Variants in TCHHL1 observed in about 807,000 individuals in gnomAD.
TCHHL1 encodes the protein trichohyalin like 1.
In TCHHL1, 1 loss-of-function variant was observed where a neutral mutation model predicts 3.5. The observed-to-expected ratio is 0.29, with a 90% CI of 0.10 to 1.36. The LOEUF (loss-of-function observed/expected upper bound fraction) is 1.36, where lower values mean the gene tolerates loss of function less well. Among genes scored for constraint, TCHHL1 ranks in the 40% most tolerant of loss-of-function variants. The pLI is 0.43. For synonymous variants in TCHHL1, 405 were observed against 375.3 expected (o/e 1.08, Z -0.92); for missense variants, 1,027 against 1,032.8 (o/e 0.99, Z 0.08).
In TCHHL1 at chr1:152,085,500, T is replaced by A; in HGVS notation, c.2182A>T (p.Asn728Tyr). 1.2e-6 allele frequency: 2 copies of A among 1,614,196 alleles called. No individual in the cohort carries two copies. Among genetic ancestry groups the A allele is most frequent in the Non-Finnish European group, 1.7e-6 (2 of 1,180,034 alleles). The change falls in exon 3 of 3, where the codon AAT becomes TAT. Residue 728 changes from asparagine to tyrosine, a missense_variant. By Grantham distance (143) the Asn-to-Tyr change is moderately radical. Coordinates refer to ENST00000368806, the MANE Select transcript of TCHHL1 (RefSeq NM_001008536.2). ...AGTTGTATCTTGAGGGAGGCTGAAT[T>A]GTCCTCATCTAGACTTTCTAACAGA... ...NTLLESLDED[N>Y]SASLKIQLET...
chr1:152,086,390 C>A lies in TCHHL1; in HGVS notation c.1292G>T (p.Gly431Val). Residue 431 changes from glycine to valine, a missense_variant, in exon 3 of 3, where the codon GGA becomes GTA. Coordinates refer to ENST00000368806, the MANE Select transcript of TCHHL1 (RefSeq NM_001008536.2). ...TTCAGCATCTTTTGATTTTGATAAT[C>A]CTTGGAGTTCCTGATACTTCCCATC... ...TQDGKYQELQ[G>V]LSKSKDAEKG... 6.2e-7 allele frequency: 1 copy of A among 1,614,134 alleles called. No individual in the cohort carries two copies. Among genetic ancestry groups the A allele is most frequent in the Non-Finnish European group, 8.5e-7 (1 of 1,180,018 alleles).
chr1:152,086,791 ATCT>A lies in TCHHL1; in HGVS notation c.888_890del (p.Glu296del), dbSNP rs764689685. The A allele has an allele frequency of 2.5e-6, 4 of 1,614,112 alleles. No individual in the cohort carries two copies. Among genetic ancestry groups the A allele is most frequent in the Non-Finnish European group, 2.5e-6 (3 of 1,180,012 alleles). ...GGTCAGCATGCTGTGAACTGGGCTCATCTTCTCTTTGTAGGGGTGGTTCTTGTA... is the reference window on the plus strand; with the variant it reads ...GGTCAGCATGCTGTGAACTGGGCTCATCTCTTTGTAGGGGTGGTTCTTGTA... On this transcript the variant is annotated inframe_deletion, in exon 3 of 3. Transcript: ENST00000368806.
At position 152,086,029 on chromosome 1, in the gene TCHHL1, G is replaced by A. The variant is rs1401543874; in HGVS notation, c.1653C>T (p.Asn551=). 2 of 1,614,216 alleles carry A rather than the reference G, an allele frequency of 1.2e-6. No homozygotes were observed. The highest frequency in any genetic ancestry group is 2.2e-5 in the East Asian group (1 of 44,880). ...QSDEGSSETP[N]SLASEEGNSS... is the part of the protein sequence containing the mutation. ...TATTGCCTTCCTCTGAAGCCAGGCT[G>A]TTGGGAGTTTCAGAAGACCCCTCAT... Residue 551 remains asparagine (N), a synonymous_variant, in exon 3 of 3, where the codon AAC becomes AAT. Transcript: ENST00000368806.
intron 1 of TCHHL1, 67 bp from the exon 2 acceptor site, chr1:152,088,230 A>T (rs1572148077): frequency 4.9e-6 from 7 of 1,427,514 alleles, no homozygotes; most frequent in African/African-American, 4.3e-5. Flanking sequence ...TACCAAGATT[A>T]TCCTTTTTGT....
chr1:152,088,070 C>G lies in TCHHL1; in HGVS notation c.74G>C (p.Gly25Ala). 6.2e-7 allele frequency: 1 copy of G among 1,611,770 alleles called. No individual in the cohort carries two copies. Among genetic ancestry groups the G allele is most frequent in the Non-Finnish European group, 8.5e-7 (1 of 1,179,384 alleles). Residue 25 changes from glycine to alanine, a missense_variant, in exon 2 of 3, where the codon GGG becomes GCG. Physicochemically the swap from Gly to Ala is moderately conservative, Grantham distance 60 (BLOSUM62 0). Coordinates refer to ENST00000368806, the MANE Select transcript of TCHHL1 (RefSeq NM_001008536.2). ...CAGCTCTCTGCCAGTCAGTGTTGCC[C>G]CGTTACTGTCCTCACTGGCATATTT... ...FHKYASEDSN[G>A]ATLTGRELKQ...
In TCHHL1 at chr1:152,085,415, C is replaced by G; in HGVS notation, c.2267G>C (p.Gly756Ala). The change falls in exon 3 of 3, where the codon GGA (glycine) becomes GCA (alanine). Residue 756 changes from glycine to alanine, a missense_variant. By Grantham distance (60) the Gly-to-Ala change is moderately conservative (BLOSUM62 0). This residue lies in a region of TCHHL1 where 673 missense variants were observed against 658.6 expected (regional missense o/e 1.02). Transcript: ENST00000368806. Reference protein sequence around the residue: ...EEDESPQELAGEGGDQKSPAK... With the variant: ...EEDESPQELAAEGGDQKSPAK... ...TGGACTTTTTTGGTCACCACCTTCT[C>G]CTGCCAGCTCTTGGGGACTTTCATC... 2.5e-6 allele frequency: 4 copies of G among 1,614,190 alleles called. No homozygotes were observed. Among genetic ancestry groups the G allele is most frequent in the Non-Finnish European group, 3.4e-6 (4 of 1,180,032 alleles).
chr1:152,086,487 C>G lies in TCHHL1; in HGVS notation c.1195G>C (p.Ala399Pro), dbSNP rs1657728861. Residue 399 changes from alanine to proline, a missense_variant, in exon 3 of 3, where the codon GCC (alanine) becomes CCC (proline). Ala to Pro is a conservative substitution (Grantham distance 27, BLOSUM62 -1). Coordinates refer to ENST00000368806, the MANE Select transcript of TCHHL1 (RefSeq NM_001008536.2). ...DERKERRGPEAHGTAGQKERD... is the reference protein window; with the variant it reads ...DERKERRGPEPHGTAGQKERD... ...TCTTTCTGCCCTGCTGTTCCATGGG[C>G]CTCAGGACCTCTCCTCTCTTTCCTT... 1.9e-6 allele frequency: 3 copies of G among 1,614,068 alleles called. No homozygotes were observed. The African/African-American group carries it at 4.0e-5, about 22-fold the overall frequency.
At position 152,085,261 on chromosome 1, in the gene TCHHL1, C is replaced by G; in HGVS notation, c.2421G>C (p.Glu807Asp). 6.2e-7 allele frequency: 1 copy of G among 1,614,232 alleles called. No homozygotes were observed. Among genetic ancestry groups the G allele is most frequent in the South Asian group, 1.1e-5 (1 of 91,080 alleles). ...TTACATTTGTTTGCTGCAGTATCTT[C>G]TCCTGTAGGTACTGGTATAGTGGAC... Reference protein sequence around the residue: ...YSSPLYQYLQEKILQQTNVTQ... With the variant: ...YSSPLYQYLQDKILQQTNVTQ... Residue 807 changes from glutamate to aspartate, a missense_variant, in exon 3 of 3, where the codon GAG becomes GAC. Transcript: ENST00000368806.
rs568537144 is a variant in TCHHL1, at chr1:152,086,008, G to A, written c.1674C>T (p.Gly558=). ...ETPNSLASEE[G]NSSSETGELP... is the part of the protein sequence containing the mutation. ...GTTCACCTGTCTCTGAGCTGCTATT[G>A]CCTTCCTCTGAAGCCAGGCTGTTGG... Residue 558 remains glycine (G), a synonymous_variant, in exon 3 of 3, where the codon GGC becomes GGT. Coordinates refer to ENST00000368806, the MANE Select transcript of TCHHL1 (RefSeq NM_001008536.2). The A allele has an allele frequency of 1.2e-6, 2 of 1,614,060 alleles. No individual in the cohort carries two copies. Among genetic ancestry groups the A allele is most frequent in the Non-Finnish European group, 1.7e-6 (2 of 1,180,038 alleles).
chr1:152,084,887 T>C lies in TCHHL1; in HGVS notation c.*80A>G. On this transcript the variant is annotated 3_prime_UTR_variant, in exon 3 of 3. Transcript: ENST00000368806. ...TTAGGAAGAGAATTTAAAAGATTGT[T>C]AATCTGCATCTGAATGTGTACACGT... The C allele has an allele frequency of 7.1e-7, 1 of 1,404,610 alleles. No homozygotes were observed. The highest frequency in any genetic ancestry group is 1.4e-5 in the South Asian group (1 of 71,864). 87.0% of individuals were successfully genotyped at this position (1,404,610 alleles called of 1,614,324 possible).
At position 152,086,302 on chromosome 1, in the gene TCHHL1, T is replaced by C. The variant is rs746031014; in HGVS notation, c.1380A>G (p.Glu460=). 2 of 1,614,270 alleles carry C rather than the reference T, an allele frequency of 1.2e-6. No individual in the cohort carries two copies. The highest frequency in any genetic ancestry group is 1.7e-6 in the Non-Finnish European group (2 of 1,180,044). ...CCTCTTCTCCTGAGACTGCTGTTCC[T>C]TCAAGTTCAGGGTGAGTCTGATCTC... ...EGGDQTHPEL[E]GTAVSGEEAE... The change falls in exon 3 of 3, where the codon GAA becomes GAG. Residue 460 remains glutamate, a synonymous_variant. Transcript: ENST00000368806.
rs374776843 is a variant in TCHHL1, at chr1:152,087,462, C to A, written c.220G>T (p.Val74Phe). ...TTCAACAAGTTGAAGATTGCAAGAA[C>A]AAATTCATCAAAACTGATGATGCCA... is the stretch of plus-strand genomic sequence containing the variant. ...SNGIISFDEF[V>F]LAIFNLLNLC... The change falls in exon 3 of 3, where the codon GTT (valine) becomes TTT (phenylalanine). Residue 74 changes from valine (V) to phenylalanine (F), a missense_variant. By Grantham distance (50) the Val-to-Phe change is conservative. This residue lies in a region of TCHHL1 where 338 missense variants were observed against 335.9 expected (regional missense o/e 1.01). Coordinates refer to ENST00000368806, the MANE Select transcript of TCHHL1 (RefSeq NM_001008536.2). 5.6e-6 allele frequency: 9 copies of A among 1,605,292 alleles called. No homozygotes were observed. In the Middle Eastern group the frequency reaches 5.0e-4, roughly 88 times the overall value.
In TCHHL1 at chr1:152,086,983, C is replaced by A. The variant is rs1657744689; in HGVS notation, c.699G>T (p.Gln233His). The A allele has an allele frequency of 6.2e-7, 1 of 1,613,906 alleles. No individual in the cohort carries two copies. The highest frequency in any genetic ancestry group is 8.5e-7 in the Non-Finnish European group (1 of 1,179,996). ...GCTCTCTGGCTGGTTCATCTCCTTC[C>A]TGGGAGATCTCCTTATCTTGTCCCT... Reference protein sequence around the residue: ...ERKGQDKEISQEGDEPAREQS... With the variant: ...ERKGQDKEISHEGDEPAREQS... Residue 233 changes from glutamine (Q) to histidine (H), a missense_variant, in exon 3 of 3, where the codon CAG (glutamine) becomes CAT (histidine). Physicochemically the swap from Gln to His is conservative, Grantham distance 24. Around this residue, in one of 3 missense-constraint regions of TCHHL1, gnomAD observed 338 missense variants for 335.9 expected, o/e 1.01. Coordinates refer to ENST00000368806, the MANE Select transcript of TCHHL1 (RefSeq NM_001008536.2).
rs780640667 is a variant in TCHHL1 at position 152,085,636 on chromosome 1, G to A, written c.2046C>T (p.Asp682=). The A allele has an allele frequency of 1.2e-6, 2 of 1,614,130 alleles. No individual in the cohort carries two copies. The highest frequency in any genetic ancestry group is 1.1e-5 in the South Asian group (1 of 91,078). The change falls in exon 3 of 3, where the codon GAC becomes GAT. Residue 682 remains aspartate (D), a synonymous_variant. Transcript: ENST00000368806. ...ITGALDEDFT[D]QLSLMQLPGK... is the part of the protein sequence containing the mutation. ...CAGGGAGCTGCATTAGGGAAAGCTG[G>A]TCAGTGAAGTCTTCATCCAGGGCAC...
At position 152,088,011 on chromosome 1, in the gene TCHHL1, A is replaced by G. The variant is rs189817272; in HGVS notation, c.133T>C (p.Phe45Leu). ...CAGCTCTGTGAGAAGCTCACCTGAA[A>G]AAAGTCCCCAAACTCGCCCTGGATG... ...QLIQGEFGDF[F>L]QPCVLHAVEK... The change falls in exon 2 of 3, where the codon TTT (phenylalanine) becomes CTT (leucine). Residue 45 changes from phenylalanine (F) to leucine (L), a missense_variant. Physicochemically the swap from Phe to Leu is conservative, Grantham distance 22. Around this residue, in one of 3 missense-constraint regions of TCHHL1, gnomAD observed 338 missense variants for 335.9 expected, o/e 1.01. Coordinates refer to ENST00000368806, the MANE Select transcript of TCHHL1 (RefSeq NM_001008536.2). The G allele has an allele frequency of 1.3e-6, 2 of 1,594,550 alleles. No homozygotes were observed. The highest frequency in any genetic ancestry group is 1.8e-5 in the Admixed American group (1 of 55,070).
In TCHHL1 at chr1:152,085,483, C is replaced by T. The variant is rs752906113; in HGVS notation, c.2199G>A (p.Lys733=). The change falls in exon 3 of 3, where the codon AAG becomes AAA. Residue 733 remains lysine, a synonymous_variant. Transcript: ENST00000368806. ...SLDEDNSASL[K]IQLETKEPVT... The stretch of plus-strand genomic sequence containing the variant: ...CAGGTTCCTTTGTTTCAAGTTGTAT[C>T]TTGAGGGAGGCTGAATTGTCCTCAT... The T allele has an allele frequency of 9.9e-6, 16 of 1,614,092 alleles. No individual in the cohort carries two copies. The Admixed American group carries it at 2.5e-4, about 25-fold the overall frequency.
rs1196990871 is a variant in TCHHL1, at chr1:152,086,536, T to G, written c.1146A>C (p.Ser382=). Residue 382 remains serine (S), a synonymous_variant, in exon 3 of 3, where the codon TCA becomes TCC. Coordinates refer to ENST00000368806, the MANE Select transcript of TCHHL1 (RefSeq NM_001008536.2). ...TTTCATCTCTCATGTCAGATGTTTC[T>G]GAACCATTTCTGCTACCATATTGGA... ...LPVQYGSRNG[S]ETSDMRDERK... 2 of 1,614,218 alleles carry G rather than the reference T, an allele frequency of 1.2e-6. No homozygotes were observed. The highest frequency in any genetic ancestry group is 2.2e-5 in the South Asian group (2 of 91,080).
Position 152,086,889 on chromosome 1 carries a change from G to T in TCHHL1, c.793C>A (p.Pro265Thr), listed in dbSNP as rs777352922. Reference protein sequence around the residue: ...EGNLATQSSPPKEATQRPCED... With the variant: ...EGNLATQSSPTKEATQRPCED... ...CATGGTCTTTGTGTTGCTTCTTTTGGTGGTGAACTTTGGGTTGCCAAGTTT... is the reference window on the plus strand; with the variant it reads ...CATGGTCTTTGTGTTGCTTCTTTTGTTGGTGAACTTTGGGTTGCCAAGTTT... Residue 265 changes from proline (P) to threonine (T), a missense_variant, in exon 3 of 3, where the codon CCA becomes ACA. By Grantham distance (38) the Pro-to-Thr change is conservative. Around this residue, in one of 3 missense-constraint regions of TCHHL1, gnomAD observed 338 missense variants for 335.9 expected, o/e 1.01. Transcript: ENST00000368806. 3 of 1,614,064 alleles carry T rather than the reference G, an allele frequency of 1.9e-6. No homozygotes were observed. Among genetic ancestry groups the T allele is most frequent in the Non-Finnish European group, 2.5e-6 (3 of 1,180,012 alleles).
In TCHHL1 at chr1:152,085,279, T is replaced by C; in HGVS notation, c.2403A>G (p.Leu801=). 6.2e-7 allele frequency: 1 copy of C among 1,614,228 alleles called. No homozygotes were observed. Among genetic ancestry groups the C allele is most frequent in the Non-Finnish European group, 8.5e-7 (1 of 1,180,038 alleles). ...GTATCTTCTCCTGTAGGTACTGGTA[T>C]AGTGGACTGGAATAGACTGCACCCC... ...VERGAVYSSP[L]YQYLQEKILQ... The change falls in exon 3 of 3, where the codon CTA becomes CTG. Residue 801 remains leucine, a synonymous_variant. Transcript: ENST00000368806.
Sources: allele counts gnomAD v4.1 joint callset, GRCh38; gene constraint gnomAD v4.1.1; regional missense constraint gnomAD v4.1.1; transcripts MANE v1.5; gene names NCBI Gene and HGNC (gene_info 2026-07-23, HGNC 2026-07-21).